SIK3: variants seen among roughly 807,000 people sequenced by gnomAD.
SIK3 encodes the protein serine/threonine-protein kinase SIK3.
A neutral mutation model predicts 144.2 loss-of-function variants in SIK3; 28 were observed. That is an observed-to-expected ratio of 0.19 (90% CI 0.14 to 0.27). SIK3 has a LOEUF of 0.27. Ranked by LOEUF, SIK3 falls within the 10% of genes least tolerant of loss-of-function variation. SIK3 has a pLI of 1.00. For missense variants in SIK3, 1,319 were observed against 1,776.0 expected (o/e 0.74, Z 4.62); for synonymous variants, 686 against 676.3 (o/e 1.01, Z -0.22).
chr11:117,093,595 C>T (rs934976468), intron 1 of SIK3, among the ~76,000 whole-genome samples: 1 of 151,432 alleles, frequency 6.6e-6, no homozygotes, highest in African/African-American at 2.4e-5. Flanking sequence ...ACACAAAACA[C>T]ACTGAAAATT....
chr11:117,015,222 A>C (rs1043675028), intron 1 of SIK3, among the ~76,000 whole-genome samples: 3 of 152,194 alleles, frequency 2.0e-5, no homozygotes, highest in African/African-American at 7.2e-5. Flanking sequence ...AGAGAAATGC[A>C]AACTAAAACC....
At chr11:116,899,379 G>A (rs972743357) in intron 4 of SIK3, among the ~76,000 whole-genome samples, 1 of 152,118 alleles carries the variant, frequency 6.6e-6, no homozygotes, top group African/African-American at 2.4e-5. Flanking sequence ...CTGTAGCCTT[G>A]TAGTATAGTT....
chr11:116,988,918 A>T (rs538360531), intron 1 of SIK3, among the ~76,000 whole-genome samples: 1 of 151,872 alleles, frequency 6.6e-6, no homozygotes, highest in South Asian at 2.1e-4. Flanking sequence ...CTGTACATCA[A>T]TGAACCTAAA....
At chr11:117,042,137 A>T (rs1246672461) in intron 1 of SIK3, among the ~76,000 whole-genome samples, 1 of 152,152 alleles carries the variant, frequency 6.6e-6, no homozygotes, top group Non-Finnish European at 1.5e-5. Context: ...AGGGTTACAG[A>T]AGGCTCATGA....
intron 3 of SIK3, among the ~76,000 whole-genome samples, chr11:116,947,416 T>C (rs1475307939): frequency 2.7e-5 from 4 of 149,262 alleles, no homozygotes; most frequent in African/African-American, 9.8e-5. Context: ...AACTAAGAGC[T>C]TTAGAAGGAA....
chr11:117,001,462 C>A (rs1166276011), intron 1 of SIK3, among the ~76,000 whole-genome samples: 2 of 152,032 alleles, frequency 1.3e-5, no homozygotes, highest in African/African-American at 2.4e-5. Flanking sequence ...GCTGAGATCG[C>A]CCCACTGCAC....
chr11:116,851,894 A>G (rs1243471163), intron 21 of SIK3, among the ~76,000 whole-genome samples: 1 of 152,248 alleles, frequency 6.6e-6, no homozygotes, highest in South Asian at 2.1e-4. Context: ...CCAAGAAGCA[A>G]TGCGAGCAGC....
Position 117,068,477 on chromosome 11 carries a change from G to A in SIK3, c.273+29666C>T, listed in dbSNP as rs184917428. Among the ~76,000 whole-genome samples, 402 of 152,354 alleles carry A rather than the reference G, an allele frequency of 2.6e-3. 1 individual carries two copies. Among genetic ancestry groups the A allele is most frequent in the Middle Eastern group, 0.01 (3 of 294 alleles). On this transcript the variant is annotated intron_variant, in intron 1 of 24. Transcript: ENST00000445177. ...AAAAAATGTCTTTGTGGTCTGGCAT[G>A]ATGGCTCATGCCTGTAAACCTAGCA...
At chr11:116,878,738 A>G (rs560502944) in intron 6 of SIK3, among the ~76,000 whole-genome samples, 1 of 152,272 alleles carries the variant, frequency 6.6e-6, no homozygotes, top group East Asian at 1.9e-4. Context: ...GTTTTTGCAC[A>G]TGTTTAACAC....
chr11:117,038,194 C>T lies in SIK3; in HGVS notation c.273+59949G>A, dbSNP rs1952592955. On this transcript the variant is annotated intron_variant, in intron 1 of 24. Transcript: ENST00000445177. ...CTGCCTTGGCCTAAGGAAGCCTTCT[C>T]CCCCTCTTCCAAGCACAATCTTCCT... Among the ~76,000 whole-genome samples the T allele has an allele frequency of 2.0e-5, 3 of 152,080 alleles. No homozygotes were observed. In the South Asian group the frequency reaches 6.2e-4, roughly 32 times the overall value.
Position 116,933,031 on chromosome 11 carries a change from A to G in SIK3, c.455-5651T>C, listed in dbSNP as rs562091949. Reference sequence around the variant, plus strand: ...AGTGATATTCCTGCCTAGGCCTTCCAAAGTGTTGGGATTACAGGCATAAAC... The same window carrying G: ...AGTGATATTCCTGCCTAGGCCTTCCGAAGTGTTGGGATTACAGGCATAAAC... On this transcript the variant is annotated intron_variant, in intron 3 of 24. Transcript: ENST00000445177. Among the ~76,000 whole-genome samples the G allele has an allele frequency of 1.1e-4, 16 of 152,242 alleles. 1 individual carries two copies. The highest frequency in any genetic ancestry group is 3.9e-4 in the African/African-American group (16 of 41,538).
chr11:117,007,096 G>A (rs1046901166), intron 1 of SIK3, among the ~76,000 whole-genome samples: 2 of 152,130 alleles, frequency 1.3e-5, no homozygotes, highest in Non-Finnish European at 2.9e-5. Flanking sequence ...TAAAAGGATC[G>A]GCTGGGCACA....
At chr11:117,029,410 T>G (rs1301957128) in intron 1 of SIK3, among the ~76,000 whole-genome samples, 1 of 152,016 alleles carries the variant, frequency 6.6e-6, no homozygotes, top group Non-Finnish European at 1.5e-5. Flanking sequence ...TGAGCCAAGA[T>G]TGCACCACTG....
chr11:117,049,133 A>G (rs1953108032), intron 1 of SIK3, among the ~76,000 whole-genome samples: 1 of 151,950 alleles, frequency 6.6e-6, no homozygotes, highest in Non-Finnish European at 1.5e-5. Context: ...ATACTTCATG[A>G]TTTCTCTCAG....
At chr11:117,043,654 T>C (rs1952838650) in intron 1 of SIK3, among the ~76,000 whole-genome samples, 1 of 152,238 alleles carries the variant, frequency 6.6e-6, no homozygotes, top group Non-Finnish European at 1.5e-5. Flanking sequence ...ATATCACTAC[T>C]AAAATCAACA....
At chr11:117,023,663 C>CA (rs1223511303) in intron 1 of SIK3, among the ~76,000 whole-genome samples, 100 of 141,542 alleles carry the variant, frequency 7.1e-4, no homozygotes, top group Middle Eastern at 7.6e-3. Flanking sequence ...TGCACTATGC[C>CA]AGTGCTTGGG....
chr11:116,967,768 TG>T (rs1349521656), intron 1 of SIK3, among the ~76,000 whole-genome samples: 1 of 152,194 alleles, frequency 6.6e-6, no homozygotes, highest in East Asian at 1.9e-4. Flanking sequence ...ATTTCTTGTC[TG>T]GATGTTTATG....
Position 116,875,398 on chromosome 11 carries a change from G to A in SIK3, c.1293C>T (p.Ile431=). The stretch of plus-strand genomic sequence containing the variant: ...CCTCCACAATTTGGTTCTCTGGGTT[G>A]ATCAGCTGCACCTGGGGAACGCTGA... ...MNISVPQVQL[I]NPENQIVEPD... The change falls in exon 10 of 25, where the codon ATC becomes ATT. Residue 431 remains isoleucine (I), a synonymous_variant. Transcript: ENST00000445177. The A allele has an allele frequency of 6.2e-7, 1 of 1,614,194 alleles. No individual in the cohort carries two copies. Among genetic ancestry groups the A allele is most frequent in the Non-Finnish European group, 8.5e-7 (1 of 1,180,036 alleles).
At chr11:116,967,004 AAAAAAAAAAAG>A (rs1023680093) in intron 1 of SIK3, among the ~76,000 whole-genome samples, 3 of 95,752 alleles carry the variant, frequency 3.1e-5, no homozygotes, top group African/African-American at 1.6e-4. Context: ...ACTCTGTTTC[AAAAAAAAAAAG>A]AAAAAGAAAA....
Sources: allele counts gnomAD v4.1 joint callset (sites outside exome capture counted in the v4.1 genomes callset), GRCh38; gene constraint gnomAD v4.1.1; transcripts MANE v1.5; gene names NCBI Gene and HGNC (gene_info 2026-07-23, HGNC 2026-07-21).